SH3RF3: variants seen among roughly 807,000 people sequenced by gnomAD.
The protein encoded by SH3RF3 is SH3 domain containing ring finger 3.
In SH3RF3, 29 loss-of-function variants were observed where a neutral mutation model predicts 66.3. The ratio of observed to expected loss-of-function variants is 0.44; its 90% confidence interval spans 0.33 to 0.60. The LOEUF is 0.60. Ranked by LOEUF, SH3RF3 falls within the 20% of genes least tolerant of loss-of-function variation. The pLI, the probability that SH3RF3 is intolerant of heterozygous loss-of-function variation, is 0.04. For synonymous variants in SH3RF3, 583 were observed against 532.0 expected, an observed-to-expected ratio of 1.10 and a Z score of -1.32; for missense variants, 1,194 against 1,190.9, an observed-to-expected ratio of 1.00 and a Z score of -0.04.
intron 2 of SH3RF3, among the ~76,000 whole-genome samples, chr2:109,364,532 T>C (rs933528296): frequency 2.6e-5 from 4 of 152,224 alleles, no homozygotes; most frequent in Non-Finnish European, 5.9e-5. Flanking sequence ...CAGTATGTAC[T>C]GTGATATTTT....
At chr2:109,220,169 A>G (rs910204246) in intron 1 of SH3RF3, among the ~76,000 whole-genome samples, 1 of 152,244 alleles carries the variant, frequency 6.6e-6, no homozygotes, top group Admixed American at 6.5e-5. Context: ...AGATCAGTCA[A>G]TGAGGAATGG....
intron 5 of SH3RF3, among the ~76,000 whole-genome samples, chr2:109,426,980 T>TA (rs1559077543): frequency 4.0e-3 from 165 of 41,742 alleles, no homozygotes; most frequent in African/African-American, 0.015. Context: ...ATATATATAT[T>TA]TTTTTTTGAG....
At position 109,179,849 on chromosome 2, in the gene SH3RF3, C is replaced by T. The variant is rs548334389; in HGVS notation, c.573+49736C>T. 1.7e-3 allele frequency among the ~76,000 whole-genome samples: 259 copies of T among 152,304 alleles called. 1 individual carries two copies. The highest frequency in any genetic ancestry group is 5.3e-3 in the African/African-American group (221 of 41,564). On this transcript the variant is annotated intron_variant, in intron 1 of 9. Coordinates refer to ENST00000309415, the MANE Select transcript of SH3RF3 (RefSeq NM_001099289.3). ...AACCATAGCCCTCTTGGCTAAACCA[C>T]GCTGTCTCTTACCCCTCAAAGTGCT... is the stretch of plus-strand genomic sequence containing the variant.
chr2:109,253,117 T>C (rs188071521), intron 1 of SH3RF3, among the ~76,000 whole-genome samples: 1 of 152,164 alleles, frequency 6.6e-6, no homozygotes, highest in Non-Finnish European at 1.5e-5. Context: ...AACCTCCACC[T>C]CACGAGTTCA....
intron 1 of SH3RF3, among the ~76,000 whole-genome samples, chr2:109,223,327 A>G (rs921856840): frequency 6.6e-6 from 1 of 152,222 alleles, no homozygotes; most frequent in African/African-American, 2.4e-5. Context: ...TGTGTTTCCC[A>G]GAGCCGACAG....
intron 1 of SH3RF3, among the ~76,000 whole-genome samples, chr2:109,231,039 C>T (rs1322483077): frequency 1.3e-5 from 2 of 152,244 alleles, no homozygotes; most frequent in African/African-American, 4.8e-5. Flanking sequence ...TGAATGTCAG[C>T]ACGGACAGAG....
chr2:109,500,541 G>A (rs1385084038), intron 9 of SH3RF3, among the ~76,000 whole-genome samples: 2 of 152,206 alleles, frequency 1.3e-5, no homozygotes, highest in African/African-American at 2.4e-5. Context: ...CCCAAGTCTT[G>A]TGGAAATGAG....
chr2:109,411,725 C>T (rs1186583898), intron 4 of SH3RF3, among the ~76,000 whole-genome samples: 8 of 152,174 alleles, frequency 5.3e-5, no homozygotes, highest in East Asian at 1.9e-4. Flanking sequence ...CTAGGAAGGC[C>T]GGCCACACGG....
intron 3 of SH3RF3, 44 bp downstream of exon 3, chr2:109,371,725 C>T (rs1365222773): frequency 6.4e-7 from 1 of 1,568,926 alleles, no homozygotes; most frequent in South Asian, 1.1e-5. Flanking sequence ...TTCTTGCCCA[C>T]CCTTGTTTCA....
chr2:109,480,908 G>T (rs1057358838), intron 8 of SH3RF3, among the ~76,000 whole-genome samples: 2 of 152,202 alleles, frequency 1.3e-5, no homozygotes, highest in Non-Finnish European at 2.9e-5. Flanking sequence ...TGTCTTAAAA[G>T]AATGTCTAGA....
intron 1 of SH3RF3, among the ~76,000 whole-genome samples, chr2:109,326,887 A>G (rs897487933): frequency 2.0e-5 from 3 of 152,152 alleles, no homozygotes; most frequent in East Asian, 3.9e-4. Flanking sequence ...GTGAGGGGAG[A>G]GCAGGGGCTC....
Position 109,129,421 on chromosome 2 carries a change from G to A in SH3RF3, c.-120G>A. 6.8e-7 allele frequency: 1 copy of A among 1,463,796 alleles called. No homozygotes were observed. The highest frequency in any genetic ancestry group is 9.1e-7 in the Non-Finnish European group (1 of 1,098,188). The allele number at this position is 1,463,796 out of a possible 1,614,324, so 90.7% of individuals were successfully genotyped here. A position where few individuals can be genotyped will look rare whatever the true frequency, so the allele number is the denominator to read the frequency against. On this transcript the variant is annotated 5_prime_UTR_variant, in exon 1 of 10. Transcript: ENST00000309415. Reference sequence around the variant, plus strand: ...AGCCCTAGCATCGGGCCACCAGCCGGGGTGAAGAAAGTCACGGCGGAGCCC... The same window carrying A: ...AGCCCTAGCATCGGGCCACCAGCCGAGGTGAAGAAAGTCACGGCGGAGCCC...
chr2:109,449,023 G>A, intron 7 of SH3RF3, 147 bp from the exon 8 acceptor site: 1 of 922,512 alleles, frequency 1.1e-6, no homozygotes, highest in Non-Finnish European at 1.6e-6. Context: ...CTCCATCTGT[G>A]AAGAGGCCAG....
chr2:109,299,924 G>C (rs1371336660), intron 1 of SH3RF3, among the ~76,000 whole-genome samples: 1 of 152,236 alleles, frequency 6.6e-6, no homozygotes, highest in East Asian at 1.9e-4. Flanking sequence ...TGCAGAGCCA[G>C]CTCTTAGCAA....
intron 1 of SH3RF3, among the ~76,000 whole-genome samples, chr2:109,295,144 C>T (rs1681278359): frequency 6.6e-6 from 1 of 152,216 alleles, no homozygotes; most frequent in African/African-American, 2.4e-5. Context: ...TGGTACGGAG[C>T]ACCCACGCCT....
intron 2 of SH3RF3, among the ~76,000 whole-genome samples, chr2:109,364,097 G>A (rs1467526721): frequency 1.3e-5 from 2 of 149,524 alleles, no homozygotes; most frequent in Admixed American, 1.3e-4. Context: ...CATTACATAT[G>A]TATAATTGCC....
chr2:109,252,228 A>G (rs1680109862), intron 1 of SH3RF3, among the ~76,000 whole-genome samples: 1 of 150,542 alleles, frequency 6.6e-6, no homozygotes. Flanking sequence ...AGCCCAGGTG[A>G]CACAGTGAGA....
chr2:109,133,750 A>T (rs1439893018), intron 1 of SH3RF3, among the ~76,000 whole-genome samples: 2 of 147,650 alleles, frequency 1.4e-5, no homozygotes, highest in African/African-American at 2.5e-5. Flanking sequence ...TTGCACTCAA[A>T]CTTCTTTCCC....
chr2:109,458,599 A>AGAGAGAGAGAGAGAGG (rs1334722012), intron 8 of SH3RF3, among the ~76,000 whole-genome samples: 13 of 150,484 alleles, frequency 8.6e-5, no homozygotes, highest in Non-Finnish European at 4.4e-5. Flanking sequence ...AGAGAGAGAG[A>AGAGAGAGAGAGAGAGG]GAATTTATTT....
Sources: allele counts gnomAD v4.1 joint callset (sites outside exome capture counted in the v4.1 genomes callset), GRCh38; gene constraint gnomAD v4.1.1; transcripts MANE v1.5; gene names NCBI Gene and HGNC (gene_info 2026-07-23, HGNC 2026-07-21).